The following MAGI2 variants were observed in gnomAD, a reference collection of about 807,000 sequenced individuals.
MAGI2 encodes membrane associated guanylate kinase, WW and PDZ domain containing 2, also known as membrane-associated guanylate kinase, WW and PDZ domain-containing protein 2.
A neutral mutation model predicts 133.3 loss-of-function variants in MAGI2; 35 were observed. The observed-to-expected ratio is 0.26, with a 90% CI of 0.20 to 0.35. The LOEUF (loss-of-function observed/expected upper bound fraction) is 0.35. MAGI2 is among the 10% of genes least tolerant of loss of function. The pLI, the probability that MAGI2 is intolerant of heterozygous loss-of-function variation, is 1.00. For synonymous variants in MAGI2, 729 were observed against 710.6 expected, an observed-to-expected ratio of 1.03 and a Z score of -0.41; for missense variants, 1,636 against 1,863.4, an observed-to-expected ratio of 0.88 and a Z score of 2.25.
intron 1 of MAGI2, among the ~76,000 whole-genome samples, chr7:79,307,923 G>T (rs991875793): frequency 1.3e-5 from 2 of 152,146 alleles, no homozygotes; most frequent in African/African-American, 2.4e-5. Context: ...TGGCTGTAAG[G>T]CTAGTTCAGT....
intron 2 of MAGI2, among the ~76,000 whole-genome samples, chr7:78,662,746 A>G (rs1813110391): frequency 6.6e-6 from 1 of 152,216 alleles, no homozygotes; most frequent in Admixed American, 6.5e-5. Context: ...TGGTGAGGGT[A>G]ACTACTGGTG....
At chr7:78,990,905 T>TAC (rs140828645) in intron 2 of MAGI2, among the ~76,000 whole-genome samples, 8,723 of 141,378 alleles carry the variant, frequency 0.062, 270 homozygotes, top group Admixed American at 0.081. Context: ...TATATGTACA[T>TAC]ACACACACAC....
intron 1 of MAGI2, among the ~76,000 whole-genome samples, chr7:79,190,803 C>G (rs993808424): frequency 2.6e-5 from 4 of 151,728 alleles, no homozygotes; most frequent in Non-Finnish European, 4.4e-5. Context: ...TTAGTATACA[C>G]TAGTCTAATT....
chr7:78,573,272 A>AT (rs1563188703), intron 3 of MAGI2, among the ~76,000 whole-genome samples: 11 of 25,354 alleles, frequency 4.3e-4, no homozygotes, highest in South Asian at 2.0e-3. Context: ...AAATATATAT[A>AT]AATATATATA....
At chr7:79,202,433 GTTC>G (rs1365571360) in intron 1 of MAGI2, among the ~76,000 whole-genome samples, 3 of 151,748 alleles carry the variant, frequency 2.0e-5, no homozygotes, top group African/African-American at 7.3e-5. Context: ...GTTATTTTTA[GTTC>G]TTATTATTAT....
At chr7:78,441,080 C>T (rs1208616617) in intron 6 of MAGI2, among the ~76,000 whole-genome samples, 1 of 152,116 alleles carries the variant, frequency 6.6e-6, no homozygotes, top group East Asian at 1.9e-4. Context: ...TGTTAGTCCT[C>T]CTCCCCTTTG....
At chr7:78,080,588 TAGC>T (rs1815847259) in intron 20 of MAGI2, among the ~76,000 whole-genome samples, 1 of 152,042 alleles carries the variant, frequency 6.6e-6, no homozygotes, top group Admixed American at 6.5e-5. Flanking sequence ...AAAAGTAAAA[TAGC>T]AGTTCCAATG....
chr7:78,302,989 T>C (rs2151077216), intron 9 of MAGI2, among the ~76,000 whole-genome samples: 1 of 152,282 alleles, frequency 6.6e-6, no homozygotes, highest in South Asian at 2.1e-4. Flanking sequence ...GAAACAACCC[T>C]AACTCAAACC....
At chr7:79,095,169 C>G (rs77240864) in intron 1 of MAGI2, among the ~76,000 whole-genome samples, 1 of 152,176 alleles carries the variant, frequency 6.6e-6, no homozygotes, top group Non-Finnish European at 1.5e-5. Context: ...CCTCTGCGAA[C>G]TTCCAACTTT....
intron 6 of MAGI2, among the ~76,000 whole-genome samples, chr7:78,386,762 G>T (rs1049877054): frequency 1.3e-5 from 2 of 152,168 alleles, no homozygotes; most frequent in African/African-American, 2.4e-5. Flanking sequence ...GACTCTACAT[G>T]CAAACACGAA....
intron 3 of MAGI2, among the ~76,000 whole-genome samples, chr7:78,573,333 A>AATATATATATAAAT (rs1801892657): frequency 1.8e-5 from 1 of 56,582 alleles, no homozygotes; most frequent in African/African-American, 9.4e-5. Flanking sequence ...TATATATATA[A>AATATATATATAAAT]ATATATATAT....
chr7:79,424,227 C>A (rs918452480), intron 1 of MAGI2, among the ~76,000 whole-genome samples: 4 of 151,470 alleles, frequency 2.6e-5, no homozygotes, highest in Non-Finnish European at 5.9e-5. Context: ...TTCAGATTCA[C>A]CCATGTTGTT....
At chr7:78,729,314 C>A (rs1473507345) in intron 2 of MAGI2, among the ~76,000 whole-genome samples, 1 of 152,118 alleles carries the variant, frequency 6.6e-6, no homozygotes, top group Non-Finnish European at 1.5e-5. Flanking sequence ...AGGGGTTCAG[C>A]AAATTTCTTC....
intron 2 of MAGI2, among the ~76,000 whole-genome samples, chr7:78,873,041 A>C (rs1795158503): frequency 6.6e-6 from 1 of 152,176 alleles, no homozygotes; most frequent in African/African-American, 2.4e-5. Context: ...AAAATAGAGA[A>C]ATTTGCATAC....
intron 3 of MAGI2, among the ~76,000 whole-genome samples, chr7:78,550,483 G>A (rs1269909631): frequency 6.6e-6 from 1 of 152,156 alleles, no homozygotes; most frequent in Non-Finnish European, 1.5e-5. Flanking sequence ...TTAGGGGAAA[G>A]AGACAATCCA....
chr7:79,113,533 A>G (rs1393392233), intron 1 of MAGI2, among the ~76,000 whole-genome samples: 1 of 152,210 alleles, frequency 6.6e-6, no homozygotes, highest in Non-Finnish European at 1.5e-5. Context: ...AGTCACTGAC[A>G]GACTTTGAAA....
At chr7:78,937,148 T>G (rs1463095931) in intron 2 of MAGI2, among the ~76,000 whole-genome samples, 2 of 151,596 alleles carry the variant, frequency 1.3e-5, no homozygotes, top group African/African-American at 4.8e-5. Flanking sequence ...CTAAAAGGAA[T>G]GTGATCATGT....
intron 6 of MAGI2, among the ~76,000 whole-genome samples, chr7:78,445,045 G>T (rs1787996849): frequency 1.3e-5 from 2 of 151,752 alleles, no homozygotes; most frequent in Non-Finnish European, 2.9e-5. Context: ...GGGGCAAGAA[G>T]ATCTCCTTGG....
rs566597943 is a variant in MAGI2 at position 79,171,461 on chromosome 7, C to T, written c.302-164255G>A. On this transcript the variant is annotated intron_variant, in intron 1 of 21. Coordinates refer to ENST00000354212, the MANE Select transcript of MAGI2 (RefSeq NM_012301.4). Reference sequence around the variant, plus strand: ...TTATTCTAAAGTCTAGGGCTTAGGTCTTCAGCATAGGAATTTGGGAGGATG... The same window carrying T: ...TTATTCTAAAGTCTAGGGCTTAGGTTTTCAGCATAGGAATTTGGGAGGATG... Among the ~76,000 whole-genome samples, 4 of 151,708 alleles carry T rather than the reference C, an allele frequency of 2.6e-5. No individual in the cohort carries two copies. In the South Asian group the frequency reaches 8.3e-4, roughly 32 times the overall value.
Sources: gnomAD v4.1 joint callset for allele counts (sites outside exome capture counted in the v4.1 genomes callset) on GRCh38, gnomAD v4.1.1 for gene constraint, MANE v1.5 for transcripts, NCBI Gene and HGNC (gene_info 2026-07-23, HGNC 2026-07-21) for gene names.